The following COL14A1 variants were observed in gnomAD, a reference collection of about 807,000 sequenced individuals.
COL14A1 encodes collagen alpha-1(XIV) chain.
Under a neutral mutation model 230.3 loss-of-function variants are expected in COL14A1, and 136 were observed. The observed-to-expected ratio is 0.59, with a 90% confidence interval of 0.51 to 0.68. COL14A1 has a LOEUF of 0.68. Among genes scored for constraint, COL14A1 ranks in the 30% least tolerant of loss-of-function variants. The pLI is 0.00. For missense variants in COL14A1, 1,976 were observed against 2,215.8 expected, an observed-to-expected ratio of 0.89 and a Z score of 2.17; for synonymous variants, 792 against 784.1, an observed-to-expected ratio of 1.01 and a Z score of -0.17.
At chr8:120,359,674 G>A (rs899995532) in intron 45 of COL14A1, among the ~76,000 whole-genome samples, 1 of 152,140 alleles carries the variant, frequency 6.6e-6, no homozygotes, top group Admixed American at 6.5e-5. Flanking sequence ...GAAAGTAATA[G>A]ATTGGCATTT....
chr8:120,356,727 C>CAAA (rs879421447), intron 45 of COL14A1, among the ~76,000 whole-genome samples: 8 of 143,682 alleles, frequency 5.6e-5, no homozygotes, highest in African/African-American at 1.3e-4. Context: ...GACTCTTTCT[C>CAAA]AAAAAAAAAA....
rs1403312639 is a variant in COL14A1, at chr8:120,283,571, A to G, written c.3825-65A>G. Reference sequence around the variant, plus strand: ...TGTGTAATGAAAATGTATTTGCTTTATAATCAAAGGAGTAACTTTTTTGAG... The same window carrying G: ...TGTGTAATGAAAATGTATTTGCTTTGTAATCAAAGGAGTAACTTTTTTGAG... On this transcript the variant is annotated intron_variant, in intron 31 of 47. Coordinates refer to ENST00000297848, the MANE Select transcript of COL14A1 (RefSeq NM_021110.4). The G allele has an allele frequency of 4.0e-6, 6 of 1,503,338 alleles. No homozygotes were observed. In the East Asian group the frequency reaches 1.4e-4, roughly 34 times the overall value. 93.1% of individuals were successfully genotyped at this position (1,503,338 alleles called of 1,614,324 possible).
chr8:120,299,665 A>C (rs1248382239), intron 35 of COL14A1, among the ~76,000 whole-genome samples: 1 of 152,026 alleles, frequency 6.6e-6, no homozygotes, highest in Non-Finnish European at 1.5e-5. Flanking sequence ...ACTTAACTTT[A>C]TGTTTCACTC....
At chr8:120,234,560 A>G (rs1818379075) in intron 19 of COL14A1, among the ~76,000 whole-genome samples, 1 of 152,018 alleles carries the variant, frequency 6.6e-6, no homozygotes, top group South Asian at 2.1e-4. Flanking sequence ...TTCTGCATCT[A>G]TTGAGATAAT....
intron 5 of COL14A1, among the ~76,000 whole-genome samples, chr8:120,169,064 C>T (rs1187773793): frequency 6.6e-6 from 1 of 152,114 alleles, no homozygotes; most frequent in Non-Finnish European, 1.5e-5. Context: ...CCATGTTGTC[C>T]AGGCTGGTCT....
intron 1 of COL14A1, among the ~76,000 whole-genome samples, chr8:120,136,298 G>A (rs1298678554): frequency 6.6e-6 from 1 of 151,874 alleles, no homozygotes; most frequent in Non-Finnish European, 1.5e-5. Flanking sequence ...AGTTTGCTGA[G>A]TTTCTTTAAA....
chr8:120,205,479 C>A (rs867778166), intron 9 of COL14A1, among the ~76,000 whole-genome samples: 2 of 152,146 alleles, frequency 1.3e-5, no homozygotes, highest in African/African-American at 2.4e-5. Context: ...GATATCATAT[C>A]ATTGGTCTGC....
intron 34 of COL14A1, 88 bp downstream of exon 34, chr8:120,289,854 T>C: frequency 7.3e-7 from 1 of 1,364,894 alleles, no homozygotes; most frequent in East Asian, 2.4e-5. Context: ...GGGAAAGGTT[T>C]AACAAAAAGA....
intron 2 of COL14A1, among the ~76,000 whole-genome samples, chr8:120,157,477 A>G (rs1487325693): frequency 6.6e-6 from 1 of 152,220 alleles, no homozygotes; most frequent in East Asian, 1.9e-4. Flanking sequence ...TTTCAAGGAG[A>G]AAAATTTATC....
intron 21 of COL14A1, among the ~76,000 whole-genome samples, chr8:120,248,486 A>G (rs1223810781): frequency 6.6e-6 from 1 of 152,194 alleles, no homozygotes; most frequent in Non-Finnish European, 1.5e-5. Flanking sequence ...TCAGTTTTCT[A>G]GACCTGGGCC....
Position 120,197,837 on chromosome 8 carries a change from A to G in COL14A1, c.619A>G (p.Arg207Gly). 1 of 1,613,728 alleles carries G rather than the reference A, an allele frequency of 6.2e-7. No individual in the cohort carries two copies. The highest frequency in any genetic ancestry group is 8.5e-7 in the Non-Finnish European group (1 of 1,179,706). The change falls in exon 7 of 48, where the codon AGA becomes GGA. Residue 207 changes from arginine (R) to glycine (G), a missense_variant. Coordinates refer to ENST00000297848, the MANE Select transcript of COL14A1 (RefSeq NM_021110.4). ...TCTTGCACAGTATAGTGGTGACCCC[A>G]GAATAGAATGGCACTTGAATGCATT... ...IGLAQYSGDP[R>G]IEWHLNAFST...
At chr8:120,358,709 TC>T (rs1823077531) in intron 45 of COL14A1, among the ~76,000 whole-genome samples, 1 of 151,930 alleles carries the variant, frequency 6.6e-6, no homozygotes, top group Non-Finnish European at 1.5e-5. Context: ...GGAATGTATT[TC>T]ATCATTTTCT....
intron 5 of COL14A1, among the ~76,000 whole-genome samples, chr8:120,191,463 A>C (rs1413898948): frequency 2.9e-4 from 44 of 150,842 alleles, no homozygotes; most frequent in East Asian, 1.8e-3. Context: ...CTTTACTTCC[A>C]ACTATGTGGT....
intron 5 of COL14A1, among the ~76,000 whole-genome samples, chr8:120,181,695 A>G (rs1433607814): frequency 6.6e-6 from 1 of 152,218 alleles, no homozygotes. Flanking sequence ...CATGTATTAC[A>G]GAAAGGTTCT....
At chr8:120,152,277 C>T (rs147869872) in intron 2 of COL14A1, among the ~76,000 whole-genome samples, 3,959 of 151,702 alleles carry the variant, frequency 0.026, 174 homozygotes, top group African/African-American at 0.089. Context: ...CTGGCTAACA[C>T]GGTGAAACCG....
At chr8:120,149,981 A>G (rs1287144119) in intron 2 of COL14A1, among the ~76,000 whole-genome samples, 1 of 152,204 alleles carries the variant, frequency 6.6e-6, no homozygotes, top group Non-Finnish European at 1.5e-5. Context: ...GGTGTGAACC[A>G]TCGTGCCCAG....
intron 14 of COL14A1, 34 bp downstream of exon 14, chr8:120,216,524 T>C: frequency 1.3e-6 from 2 of 1,590,684 alleles, no homozygotes; most frequent in Non-Finnish European, 1.7e-6. Context: ...ATTTTTTAGG[T>C]AGTGGCGTGC....
chr8:120,215,226 C>T (rs1470671786), intron 13 of COL14A1, among the ~76,000 whole-genome samples: 6 of 152,130 alleles, frequency 3.9e-5, no homozygotes, highest in Non-Finnish European at 8.8e-5. Flanking sequence ...TAAAAACTAG[C>T]AAGGTGTGGT....
rs1342769535 is a variant in COL14A1 at position 120,197,841 on chromosome 8, T to C, written c.623T>C (p.Ile208Thr). The change falls in exon 7 of 48, where the codon ATA (isoleucine) becomes ACA (threonine). Residue 208 changes from isoleucine to threonine, a missense_variant. Physicochemically the swap from Ile to Thr is moderately conservative, Grantham distance 89. This residue lies in a region of COL14A1 where 1,791 missense variants were observed against 2,019.5 expected (regional missense o/e 0.89). Coordinates refer to ENST00000297848, the MANE Select transcript of COL14A1 (RefSeq NM_021110.4). Reference sequence around the variant, plus strand: ...GCACAGTATAGTGGTGACCCCAGAATAGAATGGCACTTGAATGCATTTAGC... The same window carrying C: ...GCACAGTATAGTGGTGACCCCAGAACAGAATGGCACTTGAATGCATTTAGC... Reference protein sequence around the residue: ...GLAQYSGDPRIEWHLNAFSTK... With the variant: ...GLAQYSGDPRTEWHLNAFSTK... 38 of 1,613,642 alleles carry C rather than the reference T, an allele frequency of 2.4e-5. No homozygotes were observed. Among genetic ancestry groups the C allele is most frequent in the Non-Finnish European group, 3.1e-5 (37 of 1,179,714 alleles).
Sources: allele counts gnomAD v4.1 joint callset (sites outside exome capture counted in the v4.1 genomes callset), GRCh38; gene constraint gnomAD v4.1.1; regional missense constraint gnomAD v4.1.1; transcripts MANE v1.5; gene names NCBI Gene and HGNC (gene_info 2026-07-23, HGNC 2026-07-21).